COL25A1: variants seen among roughly 807,000 people sequenced by gnomAD.
COL25A1 encodes collagen type XXV alpha 1 chain, also known as collagen alpha-1(XXV) chain.
In COL25A1, 103 loss-of-function variants were observed where a neutral mutation model predicts 128.4. The ratio of observed to expected loss-of-function variants is 0.80; its 90% CI spans 0.68 to 0.94. The LOEUF is 0.94. Among genes scored for constraint, COL25A1 ranks in the 40% least tolerant of loss-of-function variants. The probability of loss-of-function intolerance (pLI) is 0.00; values close to 1 mark genes in which losing one functional copy is unlikely to be tolerated. For synonymous variants in COL25A1, 279 were observed against 277.2 expected, an observed-to-expected ratio of 1.01 and a Z score of -0.06; for missense variants, 745 against 840.0, an observed-to-expected ratio of 0.89 and a Z score of 1.40.
intron 13 of COL25A1, among the ~76,000 whole-genome samples, chr4:108,905,434 G>A (rs1195683820): frequency 6.6e-6 from 1 of 151,668 alleles, no homozygotes; most frequent in Non-Finnish European, 1.5e-5. Context: ...AATAGTGGGT[G>A]CAGCACACCA....
At chr4:109,117,165 A>G (rs1237391024) in intron 3 of COL25A1, among the ~76,000 whole-genome samples, 1 of 151,988 alleles carries the variant, frequency 6.6e-6, no homozygotes, top group African/African-American at 2.4e-5. Flanking sequence ...ACCAAGCAGG[A>G]TAAATGCCCC....
chr4:108,959,858 A>G (rs147742823), intron 8 of COL25A1, among the ~76,000 whole-genome samples: 15 of 152,222 alleles, frequency 9.9e-5, no homozygotes, highest in African/African-American at 3.6e-4. Flanking sequence ...TGAAGTTGTA[A>G]ATCTCTACAT....
chr4:109,234,782 C>T (rs1779362171), intron 3 of COL25A1, among the ~76,000 whole-genome samples: 2 of 152,082 alleles, frequency 1.3e-5, no homozygotes, highest in African/African-American at 4.8e-5. Context: ...ACAGTTGAAT[C>T]TCTATAAGAA....
rs1051446481 is a variant in COL25A1 at position 108,812,617 on chromosome 4, G to A, written c.*1310C>T. 4 of 152,144 alleles carry A rather than the reference G, an allele frequency of 2.6e-5. No homozygotes were observed. The highest frequency in any genetic ancestry group is 4.8e-5 in the African/African-American group (2 of 41,432). 9.4% of individuals were successfully genotyped at this position (152,144 alleles called of 1,614,324 possible). A position where few individuals can be genotyped will look rare whatever the true frequency, so the allele number is the denominator to read the frequency against. On this transcript the variant is annotated 3_prime_UTR_variant, in exon 38 of 38. Coordinates refer to ENST00000399132, the MANE Select transcript of COL25A1 (RefSeq NM_198721.4). ...CTTAAAAAAATTGTTCAAAACATAT[G>A]TGACAAAAACTGAAACTAATATTTT...
Position 109,263,198 on chromosome 4 carries a change from C to T in COL25A1, c.367+37385G>A, listed in dbSNP as rs368158170. Among the ~76,000 whole-genome samples, 24 of 152,168 alleles carry T rather than the reference C, an allele frequency of 1.6e-4. No individual in the cohort carries two copies. In the East Asian group the frequency reaches 3.7e-3, roughly 23 times the overall value. ...AGCAATATTTTAAAATTGTAAATTA[C>T]GAAGTCTTTTACAATATATCATGTT... On this transcript the variant is annotated intron_variant, in intron 3 of 37. Coordinates refer to ENST00000399132, the MANE Select transcript of COL25A1 (RefSeq NM_198721.4).
chr4:109,122,966 T>A (rs1226878465), intron 3 of COL25A1, among the ~76,000 whole-genome samples: 1 of 152,074 alleles, frequency 6.6e-6, no homozygotes, highest in East Asian at 1.9e-4. Context: ...TCAGCACTAA[T>A]CATGCCAGAT....
intron 13 of COL25A1, among the ~76,000 whole-genome samples, chr4:108,912,541 G>A (rs1242762907): frequency 6.6e-6 from 1 of 151,914 alleles, no homozygotes; most frequent in Non-Finnish European, 1.5e-5. Context: ...AAATTACTGG[G>A]TAAATTCTGC....
intron 6 of COL25A1, among the ~76,000 whole-genome samples, chr4:108,976,459 G>T (rs1752455882): frequency 6.6e-6 from 1 of 152,204 alleles, no homozygotes; most frequent in Non-Finnish European, 1.5e-5. Context: ...GGGCCTCATT[G>T]AGATTTTCCT....
chr4:109,153,321 T>C (rs1771697815), intron 3 of COL25A1, among the ~76,000 whole-genome samples: 1 of 147,402 alleles, frequency 6.8e-6, no homozygotes, highest in Non-Finnish European at 1.5e-5. Flanking sequence ...GCAGAGGTTG[T>C]GGTGAGCCAA....
intron 11 of COL25A1, among the ~76,000 whole-genome samples, chr4:108,933,512 T>G (rs1747009622): frequency 6.6e-6 from 1 of 152,202 alleles, no homozygotes; most frequent in Non-Finnish European, 1.5e-5. Context: ...ATTACACTCT[T>G]AATTGCACTA....
At chr4:109,222,778 T>C (rs2126211282) in intron 3 of COL25A1, among the ~76,000 whole-genome samples, 1 of 152,318 alleles carries the variant, frequency 6.6e-6, no homozygotes, top group South Asian at 2.1e-4. Flanking sequence ...CCTATATTGC[T>C]GAATGAAAAA....
At chr4:109,244,837 T>C (rs1780153786) in intron 3 of COL25A1, among the ~76,000 whole-genome samples, 1 of 152,180 alleles carries the variant, frequency 6.6e-6, no homozygotes. Flanking sequence ...CCAGAAACTC[T>C]TAATACTATG....
chr4:108,871,710 C>T (rs1738740651), intron 19 of COL25A1, among the ~76,000 whole-genome samples: 1 of 152,118 alleles, frequency 6.6e-6, no homozygotes, highest in African/African-American at 2.4e-5. Flanking sequence ...TTCTGATACA[C>T]TTCTTATTTC....
Position 108,941,418 on chromosome 4 carries a change from T to C in COL25A1, c.512A>G (p.Asn171Ser), listed in dbSNP as rs760035323. 2.9e-5 allele frequency: 47 copies of C among 1,613,858 alleles called. No homozygotes were observed. The highest frequency in any genetic ancestry group is 6.7e-5 in the African/African-American group (5 of 74,922). Residue 171 changes from asparagine to serine, a missense_variant, in exon 9 of 38, where the codon AAT (asparagine) becomes AGT (serine). Physicochemically the swap from Asn to Ser is conservative, Grantham distance 46. Around this residue, in one of 3 missense-constraint regions of COL25A1, gnomAD observed 319 missense variants for 324.9 expected, o/e 0.98. Coordinates refer to ENST00000399132, the MANE Select transcript of COL25A1 (RefSeq NM_198721.4). ...CTGATCAGCAGAGAGAAACCCATGA[T>C]TGATTTTAGGAAACACCATCTGATC... ...QGPRMVFPKI[N>S]HGFLSADQQL...
chr4:108,958,145 C>T (rs2125962174), intron 8 of COL25A1, among the ~76,000 whole-genome samples: 1 of 151,924 alleles, frequency 6.6e-6, no homozygotes, highest in East Asian at 1.9e-4. Context: ...AAGGTGGACA[C>T]AAACAAAAAA....
intron 3 of COL25A1, among the ~76,000 whole-genome samples, chr4:109,273,599 C>A (rs1045758701): frequency 1.3e-5 from 2 of 152,154 alleles, no homozygotes; most frequent in African/African-American, 4.8e-5. Flanking sequence ...TGGTTGAAAG[C>A]AATTATATTT....
In COL25A1 at chr4:109,050,194, A is replaced by G; in HGVS notation, c.368-15T>C. The G allele has an allele frequency of 1.2e-6, 2 of 1,602,016 alleles. No homozygotes were observed. The highest frequency in any genetic ancestry group is 1.7e-6 in the Non-Finnish European group (2 of 1,172,524). Reference sequence around the variant, plus strand: ...CCCTGGAGGGCCTGAAATACAAAGGATAATTTTTTTAGTGTAGTTTAATTC... The same window carrying G: ...CCCTGGAGGGCCTGAAATACAAAGGGTAATTTTTTTAGTGTAGTTTAATTC... On this transcript the variant is annotated splice_polypyrimidine_tract_variant and intron_variant, in intron 3 of 37. Transcript: ENST00000399132.
rs1216921122 is a variant in COL25A1 at position 108,876,207 on chromosome 4, T to TA, written c.1021-7058dup. ...CACATGTACCCTAGAACTTAAAGTATAAAAAAAAAAAAAGTTAGTGCCTAA... is the reference window on the plus strand; with the variant it reads ...CACATGTACCCTAGAACTTAAAGTATAAAAAAAAAAAAAAGTTAGTGCCTAA... On this transcript the variant is annotated intron_variant, in intron 19 of 37. Coordinates refer to ENST00000399132, the MANE Select transcript of COL25A1 (RefSeq NM_198721.4). Among the ~76,000 whole-genome samples, 146 of 110,206 alleles carry TA rather than the reference T, an allele frequency of 1.3e-3. 1 individual carries two copies. Among genetic ancestry groups the TA allele is most frequent in the South Asian group, 3.1e-3 (11 of 3,576 alleles). The allele number at this position is 110,206 out of a possible 152,430, so 72.3% of individuals were successfully genotyped here.
At chr4:108,852,416 A>C (rs1359141569) in intron 25 of COL25A1, 136 bp from the exon 26 acceptor site, 1 of 652,344 alleles carries the variant, frequency 1.5e-6, no homozygotes, top group Non-Finnish European at 2.6e-6. Context: ...GCAATGAGGA[A>C]AAATTTTACT....
Sources: gnomAD v4.1 joint callset for allele counts (sites outside exome capture counted in the v4.1 genomes callset) on GRCh38, gnomAD v4.1.1 for gene constraint, gnomAD v4.1.1 regional missense constraint, MANE v1.5 for transcripts, NCBI Gene and HGNC (gene_info 2026-07-23, HGNC 2026-07-21) for gene names.